CSMD2: variants seen among roughly 807,000 people sequenced by gnomAD.
CSMD2 encodes CUB and sushi domain-containing protein 2.
Under a neutral mutation model 398.5 loss-of-function variants are expected in CSMD2, and 130 were observed. That is an observed-to-expected ratio of 0.33 (90% CI 0.28 to 0.38). The LOEUF is 0.38. CSMD2 is among the 10% of genes least tolerant of loss of function. The probability of loss-of-function intolerance (pLI) is 1.00; values close to 1 mark genes in which losing one functional copy is unlikely to be tolerated. For missense variants in CSMD2, 3,829 were observed against 4,764.9 expected (o/e 0.80, Z 5.78); for synonymous variants, 1,828 against 1,908.5 (o/e 0.96, Z 1.10).
intron 13 of CSMD2, among the ~76,000 whole-genome samples, chr1:33,749,118 G>A (rs1197393454): frequency 3.9e-3 from 39 of 9,888 alleles, no homozygotes; most frequent in African/African-American, 5.1e-3. Flanking sequence ...TTTTTTTTTT[G>A]AGACGGAGTC....
chr1:33,763,373 C>T (rs191260124), intron 13 of CSMD2, among the ~76,000 whole-genome samples: 79 of 152,170 alleles, frequency 5.2e-4, no homozygotes, highest in African/African-American at 1.8e-3. Flanking sequence ...ATTCCTAGGC[C>T]CCATTTTGGA....
chr1:33,918,309 C>T lies in CSMD2; in HGVS notation c.713-8G>A. On this transcript the variant is annotated splice_polypyrimidine_tract_variant and splice_region_variant and intron_variant, in intron 4 of 70. Transcript: ENST00000373381. ...CACCACAGGCATCATCAGCTGTGGGCACAGAGAGAAGAGGCTTACATGAGT... is the reference window on the plus strand; with the variant it reads ...CACCACAGGCATCATCAGCTGTGGGTACAGAGAGAAGAGGCTTACATGAGT... The T allele has an allele frequency of 6.2e-7, 1 of 1,612,958 alleles. No homozygotes were observed. The highest frequency in any genetic ancestry group is 8.5e-7 in the Non-Finnish European group (1 of 1,179,528).
intron 1 of CSMD2, among the ~76,000 whole-genome samples, chr1:34,101,624 C>T (rs1051776698): frequency 2.0e-5 from 3 of 152,126 alleles, no homozygotes; most frequent in African/African-American, 7.2e-5. Context: ...TGTTTTATGA[C>T]TCAGATTCAA....
chr1:33,673,526 G>A (rs1426108460), intron 25 of CSMD2, among the ~76,000 whole-genome samples: 1 of 152,192 alleles, frequency 6.6e-6, no homozygotes, highest in Non-Finnish European at 1.5e-5. Flanking sequence ...AACCAAGTTG[G>A]AAAACACTCT....
intron 1 of CSMD2, among the ~76,000 whole-genome samples, chr1:34,162,473 A>C (rs1641434109): frequency 6.6e-6 from 1 of 152,214 alleles, no homozygotes; most frequent in African/African-American, 2.4e-5. Flanking sequence ...TAATGTACCA[A>C]ATCCTGCCGA....
chr1:34,124,014 T>C (rs1662486000), intron 1 of CSMD2, among the ~76,000 whole-genome samples: 1 of 152,322 alleles, frequency 6.6e-6, no homozygotes, highest in Middle Eastern at 3.4e-3. Flanking sequence ...GCTTGGATTC[T>C]GCTGTTGGTT....
intron 3 of CSMD2, among the ~76,000 whole-genome samples, chr1:33,958,881 A>G (rs1163110601): frequency 1.3e-5 from 2 of 152,178 alleles, no homozygotes; most frequent in African/African-American, 2.4e-5. Context: ...TTTTTTATGC[A>G]GCAGAAAGAA....
chr1:34,015,297 C>G (rs989336704), intron 3 of CSMD2, among the ~76,000 whole-genome samples: 1 of 152,180 alleles, frequency 6.6e-6, no homozygotes, highest in East Asian at 1.9e-4. Context: ...TATGCTCATA[C>G]CCCTATTTTA....
intron 3 of CSMD2, among the ~76,000 whole-genome samples, chr1:33,951,918 T>C (rs995704945): frequency 5.9e-5 from 9 of 152,236 alleles, no homozygotes; most frequent in African/African-American, 1.9e-4. Flanking sequence ...ACCTCTGAAG[T>C]ACTCTTGTGA....
At chr1:34,113,808 T>C (rs1187475982) in intron 1 of CSMD2, among the ~76,000 whole-genome samples, 1 of 152,170 alleles carries the variant, frequency 6.6e-6, no homozygotes, top group Non-Finnish European at 1.5e-5. Context: ...TTGAAATGCA[T>C]AAGAAAAATT....
intron 3 of CSMD2, among the ~76,000 whole-genome samples, chr1:33,995,481 C>G (rs1473309400): frequency 6.6e-6 from 1 of 152,208 alleles, no homozygotes; most frequent in African/African-American, 2.4e-5. Flanking sequence ...GCCCAGCAAT[C>G]TAGGATCAAA....
intron 2 of CSMD2, among the ~76,000 whole-genome samples, chr1:34,076,897 G>C (rs1170654177): frequency 1.5e-5 from 1 of 64,864 alleles, no homozygotes; most frequent in Non-Finnish European, 2.6e-5. Flanking sequence ...GTATGGCTCT[G>C]TTACAGCAAA....
chr1:33,781,573 C>T (rs977298193), intron 12 of CSMD2, among the ~76,000 whole-genome samples: 4 of 152,178 alleles, frequency 2.6e-5, no homozygotes, highest in Non-Finnish European at 5.9e-5. Context: ...TACTGTCCTG[C>T]TCCTTCATGT....
At chr1:34,046,414 A>G (rs1208198088) in intron 2 of CSMD2, among the ~76,000 whole-genome samples, 1 of 152,204 alleles carries the variant, frequency 6.6e-6, no homozygotes, top group African/African-American at 2.4e-5. Context: ...TAATAAGTGG[A>G]GCTAATAGGT....
intron 6 of CSMD2, among the ~76,000 whole-genome samples, chr1:33,827,588 A>G (rs1164907626): frequency 6.6e-6 from 1 of 152,206 alleles, no homozygotes; most frequent in African/African-American, 2.4e-5. Context: ...GTTCTAACAT[A>G]CTATACCATT....
chr1:33,729,518 T>C (rs1335475211), intron 15 of CSMD2, among the ~76,000 whole-genome samples: 1 of 150,102 alleles, frequency 6.7e-6, no homozygotes, highest in Non-Finnish European at 1.5e-5. Flanking sequence ...TTAGAGTACA[T>C]GTGCACAATG....
At chr1:34,142,313 A>G (rs1639374999) in intron 1 of CSMD2, among the ~76,000 whole-genome samples, 1 of 152,104 alleles carries the variant, frequency 6.6e-6, no homozygotes, top group Non-Finnish European at 1.5e-5. Context: ...TGCAGGATCA[A>G]ATCAGACAAC....
chr1:33,924,911 G>C (rs910273106), intron 4 of CSMD2, among the ~76,000 whole-genome samples: 1 of 151,974 alleles, frequency 6.6e-6, no homozygotes. Flanking sequence ...TTTTTTTGCT[G>C]TTGAGTTGTT....
intron 3 of CSMD2, among the ~76,000 whole-genome samples, chr1:33,978,791 GTTTCCAGGAATGAGAGC>G (rs1354792890): frequency 6.6e-6 from 1 of 152,142 alleles, no homozygotes; most frequent in Non-Finnish European, 1.5e-5. Flanking sequence ...CCTCCTCATT[GTTTCCAGGAATGAGAGC>G]TAACATTTAT....
Sources: gnomAD v4.1 joint callset for allele counts (sites outside exome capture counted in the v4.1 genomes callset) on GRCh38, gnomAD v4.1.1 for gene constraint, MANE v1.5 for transcripts, NCBI Gene and HGNC (gene_info 2026-07-23, HGNC 2026-07-21) for gene names.